EIPR1: variants seen among roughly 807,000 people sequenced by gnomAD.
The protein encoded by EIPR1 is EARP and GARP complex-interacting protein 1.
A neutral mutation model predicts 48.1 loss-of-function variants in EIPR1; 25 were observed. The observed-to-expected ratio is 0.52, with a 90% CI of 0.38 to 0.73. The LOEUF (loss-of-function observed/expected upper bound fraction) is 0.73. Ranked by LOEUF, EIPR1 falls within the 30% of genes least tolerant of loss-of-function variation. The pLI, the probability that EIPR1 is intolerant of heterozygous loss-of-function variation, is 0.00. For missense variants in EIPR1, 415 were observed against 506.2 expected, an observed-to-expected ratio of 0.82 and a Z score of 1.73; for synonymous variants, 204 against 201.9, an observed-to-expected ratio of 1.01 and a Z score of -0.09.
At chr2:3,297,937 T>G (rs2103288827) in intron 3 of EIPR1, among the ~76,000 whole-genome samples, 1 of 152,330 alleles carries the variant, frequency 6.6e-6, no homozygotes, top group East Asian at 1.9e-4. Context: ...GTCTTGCTTT[T>G]TAAGGAGATT....
At chr2:3,224,439 C>T (rs1473246357) in intron 4 of EIPR1, among the ~76,000 whole-genome samples, 1 of 152,170 alleles carries the variant, frequency 6.6e-6, no homozygotes, top group Non-Finnish European at 1.5e-5. Context: ...GGGTGATACA[C>T]ACCTGCCCAT....
At chr2:3,376,543 T>C (rs1659890590) in intron 1 of EIPR1, among the ~76,000 whole-genome samples, 1 of 151,856 alleles carries the variant, frequency 6.6e-6, no homozygotes, top group African/African-American at 2.4e-5. Context: ...ATACAAAAAT[T>C]AGTCGGGCGT....
chr2:3,364,365 C>T (rs1377948132), intron 1 of EIPR1, among the ~76,000 whole-genome samples: 2 of 152,174 alleles, frequency 1.3e-5, no homozygotes, highest in African/African-American at 4.8e-5. Context: ...GACAGTGGCT[C>T]ATGCCTATAA....
At chr2:3,294,683 T>TACAC (rs1668482364) in intron 3 of EIPR1, among the ~76,000 whole-genome samples, 2 of 76,924 alleles carry the variant, frequency 2.6e-5, no homozygotes, top group East Asian at 4.7e-4. Flanking sequence ...CCGTCCTCTC[T>TACAC]ACACACACCC....
At chr2:3,230,419 C>G (rs1248282685) in intron 4 of EIPR1, among the ~76,000 whole-genome samples, 1 of 152,082 alleles carries the variant, frequency 6.6e-6, no homozygotes, top group Non-Finnish European at 1.5e-5. Flanking sequence ...GATTCTTTTC[C>G]CATCGGGGAT....
At chr2:3,292,546 G>C (rs992241608) in intron 3 of EIPR1, among the ~76,000 whole-genome samples, 6 of 152,196 alleles carry the variant, frequency 3.9e-5, no homozygotes, top group African/African-American at 1.2e-4. Context: ...CTCCAGATAG[G>C]TGCTGCTGTC....
intron 4 of EIPR1, among the ~76,000 whole-genome samples, chr2:3,218,242 A>G (rs1223283305): frequency 3.6e-5 from 5 of 137,322 alleles, no homozygotes; most frequent in Admixed American, 7.2e-5. Flanking sequence ...CACGACCCTG[A>G]TATGCTCTAG....
At chr2:3,335,157 G>C (rs1406364200) in intron 3 of EIPR1, among the ~76,000 whole-genome samples, 2 of 152,194 alleles carry the variant, frequency 1.3e-5, no homozygotes, top group East Asian at 3.9e-4. Context: ...TGGGGGCCTG[G>C]AGACCCCAGG....
In EIPR1 at chr2:3,338,201, C is replaced by A. The variant is rs1164140601; in HGVS notation, c.127-52G>T. 6 of 1,586,690 alleles carry A rather than the reference C, an allele frequency of 3.8e-6. No individual in the cohort carries two copies. In the African/African-American group the frequency reaches 8.2e-5, roughly 22 times the overall value. On this transcript the variant is annotated intron_variant, in intron 2 of 8. Coordinates refer to ENST00000382125, the MANE Select transcript of EIPR1 (RefSeq NM_003310.5). ...AGGATCTCAAACACTTTCCTCAGTA[C>A]CTTCATCAGACATCATGATTACAAA...
intron 3 of EIPR1, among the ~76,000 whole-genome samples, chr2:3,262,484 C>T (rs1667362965): frequency 6.6e-6 from 1 of 152,202 alleles, no homozygotes. Flanking sequence ...AGAGGTGACA[C>T]ATTATACACC....
chr2:3,298,777 C>G (rs879320240), intron 3 of EIPR1, among the ~76,000 whole-genome samples: 1 of 152,186 alleles, frequency 6.6e-6, no homozygotes, highest in African/African-American at 2.4e-5. Context: ...CCCAACCACA[C>G]TCTATCCAAC....
At chr2:3,376,634 T>C (rs1659893176) in intron 1 of EIPR1, among the ~76,000 whole-genome samples, 2 of 146,860 alleles carry the variant, frequency 1.4e-5, no homozygotes, top group Non-Finnish European at 3.0e-5. Context: ...GAGGTTGCAG[T>C]GAGCCGAGGT....
intron 4 of EIPR1, among the ~76,000 whole-genome samples, chr2:3,231,085 A>G (rs907505461): frequency 2.0e-5 from 3 of 152,206 alleles, no homozygotes; most frequent in Admixed American, 1.3e-4. Flanking sequence ...AGTTACTCCT[A>G]AGAAATTTAT....
chr2:3,284,663 G>A (rs1402684302), intron 3 of EIPR1, among the ~76,000 whole-genome samples: 1 of 152,230 alleles, frequency 6.6e-6, no homozygotes, highest in Non-Finnish European at 1.5e-5. Flanking sequence ...AAAAGTCAGG[G>A]GCAGAGAACG....
rs1173075497 is a variant in EIPR1 at position 3,312,723 on chromosome 2, C to T, written c.259+25294G>A. On this transcript the variant is annotated intron_variant, in intron 3 of 8. Coordinates refer to ENST00000382125, the MANE Select transcript of EIPR1 (RefSeq NM_003310.5). This position sits in a 1 kb window ranked among gnomAD's most constrained non-coding sequence, Gnocchi z 5.5. ...GGTCCCTTCAACGAGATCTTTGGTGCCCCAGGCTTGAGAAGGTTCTTGATG... is the reference window on the plus strand; with the variant it reads ...GGTCCCTTCAACGAGATCTTTGGTGTCCCAGGCTTGAGAAGGTTCTTGATG... Among the ~76,000 whole-genome samples, 1 of 152,082 alleles carries T rather than the reference C, an allele frequency of 6.6e-6. No homozygotes were observed. The highest frequency in any genetic ancestry group is 1.5e-5 in the Non-Finnish European group (1 of 68,030).
chr2:3,363,892 C>T (rs567455780), intron 1 of EIPR1, among the ~76,000 whole-genome samples: 8 of 151,064 alleles, frequency 5.3e-5, no homozygotes, highest in African/African-American at 1.9e-4. Context: ...GCACAAATGG[C>T]CAACAGGTCT....
chr2:3,290,978 T>A (rs1423038397), intron 3 of EIPR1, among the ~76,000 whole-genome samples: 1 of 152,190 alleles, frequency 6.6e-6, no homozygotes, highest in Non-Finnish European at 1.5e-5. Flanking sequence ...CTCTTCACAT[T>A]CCACGGGCCA....
chr2:3,346,043 C>T (rs1192912726), intron 2 of EIPR1, among the ~76,000 whole-genome samples: 1 of 152,238 alleles, frequency 6.6e-6, no homozygotes, highest in East Asian at 1.9e-4. Context: ...AGAGTCCACA[C>T]CACTTCTCCC....
chr2:3,336,045 G>A (rs1482343149), intron 3 of EIPR1, among the ~76,000 whole-genome samples: 1 of 152,176 alleles, frequency 6.6e-6, no homozygotes, highest in Non-Finnish European at 1.5e-5. Flanking sequence ...GGAAGTCAGA[G>A]TGCAGGCCTA....
Sources: gnomAD v4.1 joint callset for allele counts (sites outside exome capture counted in the v4.1 genomes callset) on GRCh38, gnomAD v4.1.1 for gene constraint, Gnocchi (gnomAD v3.1) non-coding constraint, MANE v1.5 for transcripts, NCBI Gene and HGNC (gene_info 2026-07-23, HGNC 2026-07-21) for gene names.